Variants in NLGN1 observed in about 807,000 individuals in gnomAD.
NLGN1 encodes neuroligin-1.
In NLGN1, 12 loss-of-function variants were observed where a neutral mutation model predicts 65.5. The ratio of observed to expected loss-of-function variants is 0.18; its 90% CI spans 0.12 to 0.30. NLGN1 has a LOEUF of 0.30. NLGN1 is among the 10% of genes least tolerant of loss of function. The probability of loss-of-function intolerance (pLI) is 1.00; values close to 1 mark genes in which losing one functional copy is unlikely to be tolerated. For synonymous variants in NLGN1, 350 were observed against 359.5 expected (o/e 0.97, Z 0.30); for missense variants, 750 against 1,007.1 (o/e 0.74, Z 3.46).
chr3:174,079,758 C>G (rs1741754238), intron 4 of NLGN1, among the ~76,000 whole-genome samples: 1 of 152,110 alleles, frequency 6.6e-6, no homozygotes, highest in East Asian at 1.9e-4. Context: ...AGCTGGAGGC[C>G]ATCATCTTTA....
At chr3:173,457,313 A>G (rs1722663088) in intron 2 of NLGN1, among the ~76,000 whole-genome samples, 1 of 152,146 alleles carries the variant, frequency 6.6e-6, no homozygotes, top group Non-Finnish European at 1.5e-5. Flanking sequence ...TTTCAATGCC[A>G]TGAAGCACAG....
intron 3 of NLGN1, among the ~76,000 whole-genome samples, chr3:173,611,585 G>A (rs1329418145): frequency 6.6e-6 from 1 of 152,016 alleles, no homozygotes; most frequent in African/African-American, 2.4e-5. Context: ...CAGAGATTTG[G>A]CTTCATATTT....
At chr3:173,586,041 G>A (rs564689618) in intron 2 of NLGN1, among the ~76,000 whole-genome samples, 1 of 152,174 alleles carries the variant, frequency 6.6e-6, no homozygotes, top group African/African-American at 2.4e-5. Flanking sequence ...CAGAACAATT[G>A]CATACAAAGA....
chr3:173,778,845 A>T, intron 3 of NLGN1, among the ~76,000 whole-genome samples: 1 of 151,864 alleles, frequency 6.6e-6, no homozygotes, highest in Non-Finnish European at 1.5e-5. Context: ...AAAAAATAAT[A>T]TGAGTAATTA....
chr3:173,951,457 C>CTTTTTTTTTTTTTTTTTTTT (rs67595515), intron 4 of NLGN1, among the ~76,000 whole-genome samples: 1 of 142,606 alleles, frequency 7.0e-6, no homozygotes. Flanking sequence ...AGGTATCATT[C>CTTTTTTTTTTTTTTTTTTTT]TTTTTTTTTT....
At chr3:174,048,472 A>G (rs1001886255) in intron 4 of NLGN1, among the ~76,000 whole-genome samples, 2 of 152,024 alleles carry the variant, frequency 1.3e-5, no homozygotes, top group Admixed American at 1.3e-4. Flanking sequence ...AGACAAGTTG[A>G]CAGTTTTGCA....
chr3:174,194,889 T>G (rs1328168830), intron 4 of NLGN1, among the ~76,000 whole-genome samples: 1 of 149,062 alleles, frequency 6.7e-6, no homozygotes, highest in Non-Finnish European at 1.5e-5. Context: ...GAGATGGAGT[T>G]TCATTCTTAT....
intron 4 of NLGN1, among the ~76,000 whole-genome samples, chr3:174,033,809 AC>A (rs1187042017): frequency 2.0e-3 from 307 of 152,242 alleles, no homozygotes; most frequent in Non-Finnish European, 3.8e-3. Flanking sequence ...AAATTATATG[AC>A]AATTTTTAAA....
chr3:173,782,327 A>G (rs1781305770), intron 3 of NLGN1, among the ~76,000 whole-genome samples: 1 of 152,204 alleles, frequency 6.6e-6, no homozygotes. Flanking sequence ...AAATTAATTG[A>G]ATGCATTAAA....
At chr3:173,783,613 CATTT>C (rs1382039490) in intron 3 of NLGN1, among the ~76,000 whole-genome samples, 1 of 152,088 alleles carries the variant, frequency 6.6e-6, no homozygotes, top group East Asian at 1.9e-4. Flanking sequence ...GTTTTTCATT[CATTT>C]GTTTTTTTGT....
chr3:173,685,207 C>T (rs914579903), intron 3 of NLGN1, among the ~76,000 whole-genome samples: 2 of 152,078 alleles, frequency 1.3e-5, no homozygotes, highest in Non-Finnish European at 2.9e-5. Context: ...ATAAGTTGCT[C>T]CCAATATTAC....
chr3:173,761,511 C>T (rs1397749557), intron 3 of NLGN1, among the ~76,000 whole-genome samples: 4 of 151,888 alleles, frequency 2.6e-5, no homozygotes, highest in Admixed American at 6.6e-5. Context: ...TCTGATGAGG[C>T]GGGTAGATTA....
At chr3:174,096,904 G>A (rs2152569856) in intron 4 of NLGN1, among the ~76,000 whole-genome samples, 1 of 151,912 alleles carries the variant, frequency 6.6e-6, no homozygotes, top group Admixed American at 6.6e-5. Context: ...CATATTTCTG[G>A]AATTAACATC....
intron 3 of NLGN1, among the ~76,000 whole-genome samples, chr3:173,626,389 A>G (rs911862904): frequency 1.3e-5 from 2 of 152,064 alleles, no homozygotes; most frequent in Non-Finnish European, 2.9e-5. Flanking sequence ...AAACTGTCAC[A>G]AGAAGGTACT....
chr3:174,291,636 T>G (rs1339985982), downstream of NLGN1, among the ~76,000 whole-genome samples: 5 of 151,430 alleles, frequency 3.3e-5, no homozygotes, highest in East Asian at 5.8e-4. Context: ...AAGTTATTTT[T>G]ATATTCAGCC....
At chr3:173,952,538 G>A (rs947644288) in intron 4 of NLGN1, among the ~76,000 whole-genome samples, 1 of 152,098 alleles carries the variant, frequency 6.6e-6, no homozygotes, top group African/African-American at 2.4e-5. Flanking sequence ...GCAACTTAAA[G>A]AAGTCTGATT....
At chr3:174,119,550 G>T (rs1413281334) in intron 4 of NLGN1, among the ~76,000 whole-genome samples, 1 of 152,054 alleles carries the variant, frequency 6.6e-6, no homozygotes, top group Non-Finnish European at 1.5e-5. Flanking sequence ...TCATTCTATG[G>T]ACTTACATTG....
At chr3:174,090,551 A>G (rs1476686626) in intron 4 of NLGN1, among the ~76,000 whole-genome samples, 2 of 152,128 alleles carry the variant, frequency 1.3e-5, no homozygotes, top group Admixed American at 6.6e-5. Flanking sequence ...AGATATTTCA[A>G]GGGAGAAAGA....
chr3:173,461,592 C>A (rs1173987877), intron 2 of NLGN1, among the ~76,000 whole-genome samples: 2 of 152,046 alleles, frequency 1.3e-5, no homozygotes, highest in African/African-American at 4.8e-5. Flanking sequence ...TAATAATTCT[C>A]AAGTCAACAT....
Sources: allele counts gnomAD v4.1 joint callset (sites outside exome capture counted in the v4.1 genomes callset), GRCh38; gene constraint gnomAD v4.1.1; transcripts MANE v1.5; gene names NCBI Gene and HGNC (gene_info 2026-07-23, HGNC 2026-07-21).